Variants in COL25A1 observed in about 807,000 individuals in gnomAD.
COL25A1 encodes the protein collagen alpha-1(XXV) chain.
In COL25A1, 103 loss-of-function variants were observed where a neutral mutation model predicts 128.4. The observed-to-expected ratio is 0.80, with a 90% CI of 0.68 to 0.94. COL25A1 has a LOEUF of 0.94. COL25A1 is among the 40% of genes least tolerant of loss of function. COL25A1 has a pLI of 0.00. For synonymous variants in COL25A1, 279 were observed against 277.2 expected, an observed-to-expected ratio of 1.01 and a Z score of -0.06; for missense variants, 745 against 840.0, an observed-to-expected ratio of 0.89 and a Z score of 1.40.
At chr4:109,010,231 G>A (rs944424071) in intron 6 of COL25A1, 127 bp downstream of exon 6, 92 of 734,730 alleles carry the variant, frequency 1.3e-4, no homozygotes, top group Non-Finnish European at 1.9e-4. Flanking sequence ...GAAATATTTG[G>A]TCTACTGTGT....
At chr4:109,011,340 G>A (rs899357696) in intron 5 of COL25A1, among the ~76,000 whole-genome samples, 6 of 152,166 alleles carry the variant, frequency 3.9e-5, no homozygotes, top group Non-Finnish European at 5.9e-5. Flanking sequence ...CTCTCTCCAG[G>A]CTTGCAATTT....
At chr4:108,872,707 CATATACATATATACACACACACAT>C (rs1738906273) in intron 19 of COL25A1, among the ~76,000 whole-genome samples, 1 of 140,708 alleles carries the variant, frequency 7.1e-6, no homozygotes. Context: ...CACACACACA[CATATACATATATACACACACACAT>C]ACATATACAT....
chr4:109,022,303 C>T (rs1227568773), intron 5 of COL25A1: 1 of 360,758 alleles, frequency 2.8e-6, no homozygotes, highest in East Asian at 8.2e-5. Context: ...GGGCGGGTTC[C>T]CCCGATATTT....
At chr4:109,010,238 G>A in intron 6 of COL25A1, 120 bp downstream of exon 6, 8 of 782,816 alleles carry the variant, frequency 1.0e-5, no homozygotes, top group African/African-American at 3.6e-5. Flanking sequence ...TTGGTCTACT[G>A]TGTGGTGTTG....
chr4:109,106,707 C>T (rs890526068), intron 3 of COL25A1, among the ~76,000 whole-genome samples: 1 of 151,628 alleles, frequency 6.6e-6, no homozygotes, highest in Non-Finnish European at 1.5e-5. Flanking sequence ...AGTATTTCAG[C>T]CCCACCAATC....
At chr4:109,097,951 C>T (rs146185913) in intron 3 of COL25A1, among the ~76,000 whole-genome samples, 416 of 152,046 alleles carry the variant, frequency 2.7e-3, no homozygotes, top group African/African-American at 9.5e-3. Context: ...CGTGAGCCAC[C>T]GGCACCAGGC....
At chr4:109,038,985 C>T (rs982370835) in intron 5 of COL25A1, among the ~76,000 whole-genome samples, 9 of 152,196 alleles carry the variant, frequency 5.9e-5, no homozygotes, top group Non-Finnish European at 1.2e-4. Context: ...CACTATGATT[C>T]GCCAGAATGA....
At position 108,869,560 on chromosome 4, in the gene COL25A1, G is replaced by A. The variant is rs956075269; in HGVS notation, c.1021-410C>T. ...TGTTTGATACCAACCAGGGGAGTTA[G>A]TGCCAGAATAGGATCGAATTGTAGG... On this transcript the variant is annotated intron_variant, in intron 19 of 37. Transcript: ENST00000399132. Among the ~76,000 whole-genome samples the A allele has an allele frequency of 1.3e-5, 2 of 152,272 alleles. 1 individual carries two copies. The highest frequency in any genetic ancestry group is 4.8e-5 in the African/African-American group (2 of 41,562).
rs968612614 is a variant in COL25A1 at position 108,811,971 on chromosome 4, G to A, written c.*1956C>T. Reference sequence around the variant, plus strand: ...GGATGAGTTAATTTCCCTTCTGGTGGTGACACCTATGCATGAAACTAGAAA... The same window carrying A: ...GGATGAGTTAATTTCCCTTCTGGTGATGACACCTATGCATGAAACTAGAAA... On this transcript the variant is annotated 3_prime_UTR_variant, in exon 38 of 38. Transcript: ENST00000399132. 2 of 152,126 alleles carry A rather than the reference G, an allele frequency of 1.3e-5. No homozygotes were observed. Among genetic ancestry groups the A allele is most frequent in the African/African-American group, 4.8e-5 (2 of 41,428 alleles). The allele number at this position is 152,126 out of a possible 1,614,324, so 9.4% of individuals were successfully genotyped here.
At chr4:109,218,362 T>G (rs889675595) in intron 3 of COL25A1, among the ~76,000 whole-genome samples, 1 of 136,598 alleles carries the variant, frequency 7.3e-6, no homozygotes, top group East Asian at 2.1e-4. Context: ...TTGGGGTTTT[T>G]TTTTTTTTTT....
At chr4:109,108,112 G>A (rs879779420) in intron 3 of COL25A1, among the ~76,000 whole-genome samples, 1 of 152,166 alleles carries the variant, frequency 6.6e-6, no homozygotes, top group Non-Finnish European at 1.5e-5. Flanking sequence ...CATGTGCCAT[G>A]TTGGTGTGCT....
rs146690867 is a variant in COL25A1, at chr4:109,088,357, G to A, written c.368-38178C>T. Among the ~76,000 whole-genome samples the A allele has an allele frequency of 7.8e-4, 119 of 152,292 alleles. 2 individuals are homozygous for A. The East Asian group carries it at 0.021, about 27-fold the overall frequency. ...CCACCTGTGGCAAAACTGAACTGAG[G>A]CTAAATCAGTGGTTCTGAGATCTTT... On this transcript the variant is annotated intron_variant, in intron 3 of 37. Coordinates refer to ENST00000399132, the MANE Select transcript of COL25A1 (RefSeq NM_198721.4).
At chr4:109,251,102 T>C (rs1191858090) in intron 3 of COL25A1, among the ~76,000 whole-genome samples, 2 of 152,196 alleles carry the variant, frequency 1.3e-5, no homozygotes, top group Non-Finnish European at 2.9e-5. Flanking sequence ...ACATCTTATG[T>C]TACATAATAA....
intron 3 of COL25A1, among the ~76,000 whole-genome samples, chr4:109,170,365 T>TA (rs1428106404): frequency 6.6e-6 from 1 of 152,162 alleles, no homozygotes; most frequent in Admixed American, 6.6e-5. Flanking sequence ...TTTATTCAAA[T>TA]AGAGAACTGG....
chr4:109,266,413 G>C (rs1781796570), intron 3 of COL25A1, among the ~76,000 whole-genome samples: 2 of 152,160 alleles, frequency 1.3e-5, no homozygotes, highest in African/African-American at 4.8e-5. Context: ...GGAGCGATTT[G>C]AAGAAGGAAT....
intron 3 of COL25A1, among the ~76,000 whole-genome samples, chr4:109,093,471 A>AAAAAAAAAC (rs1765126296): frequency 6.6e-6 from 1 of 151,502 alleles, no homozygotes; most frequent in African/African-American, 2.4e-5. Flanking sequence ...AAAAAAAAAA[A>AAAAAAAAAC]AAAAACCTTT....
At chr4:109,236,307 TAAAG>T (rs1779477103) in intron 3 of COL25A1, among the ~76,000 whole-genome samples, 1 of 152,172 alleles carries the variant, frequency 6.6e-6, no homozygotes, top group South Asian at 2.1e-4. Flanking sequence ...ATTTGCCAAA[TAAAG>T]GAAGATATAA....
At position 109,300,675 on chromosome 4, in the gene COL25A1, A is replaced by G. The variant is rs548421937; in HGVS notation, c.298-23T>C. 5 of 1,535,974 alleles carry G rather than the reference A, an allele frequency of 3.3e-6. No individual in the cohort carries two copies. In the African/African-American group the frequency reaches 6.8e-5, roughly 21 times the overall value. ...TTTCTGTAGGAAAAGAAGAGTTATT[A>G]ATAATCATCAGTAGCACTGTAGAGG... On this transcript the variant is annotated intron_variant, in intron 2 of 37. Transcript: ENST00000399132.
In COL25A1 at chr4:109,097,435, T is replaced by TC. The variant is rs1765490012; in HGVS notation, c.368-47257dup. 3.8e-5 allele frequency among the ~76,000 whole-genome samples: 5 copies of TC among 130,022 alleles called. No homozygotes were observed. The South Asian group carries it at 1.3e-3, about 33-fold the overall frequency. The allele number at this position is 130,022 out of a possible 152,430, so 85.3% of individuals were successfully genotyped here. A position where few individuals can be genotyped will look rare whatever the true frequency, so the allele number is the denominator to read the frequency against. On this transcript the variant is annotated intron_variant, in intron 3 of 37. Transcript: ENST00000399132. ...GCCTGGGCAACATGGAGAAACCCTG[T>TC]CTAAAAAAAAAAAAAAAAACCACAA...
Sources: allele counts gnomAD v4.1 joint callset (sites outside exome capture counted in the v4.1 genomes callset), GRCh38; gene constraint gnomAD v4.1.1; transcripts MANE v1.5; gene names NCBI Gene and HGNC (gene_info 2026-07-23, HGNC 2026-07-21).